Variants in RGS16 observed in about 807,000 individuals in gnomAD.
RGS16 encodes hRGS-r.
A neutral mutation model predicts 18.1 loss-of-function variants in RGS16; 12 were observed. The observed-to-expected ratio is 0.66, with a 90% CI of 0.42 to 1.07. The LOEUF (loss-of-function observed/expected upper bound fraction) is 1.07. Among genes scored for constraint, RGS16 ranks in the 50% least tolerant of loss-of-function variants. The pLI, the probability that RGS16 is intolerant of heterozygous loss-of-function variation, is 0.00. For synonymous variants in RGS16, 88 were observed against 102.0 expected, an observed-to-expected ratio of 0.86 and a Z score of 0.83; for missense variants, 238 against 249.2, an observed-to-expected ratio of 0.95 and a Z score of 0.30.
At chr1:182,603,800 C>G (rs932787765) in intron 1 of RGS16, among the ~76,000 whole-genome samples, 1 of 151,804 alleles carries the variant, frequency 6.6e-6, no homozygotes, top group Non-Finnish European at 1.5e-5. Context: ...GGAGCCCCCA[C>G]CCCCACACAC....
At chr1:182,603,429 T>C (rs2102381867) in intron 1 of RGS16, 90 bp from the exon 2 acceptor site, 3 of 1,032,716 alleles carry the variant, frequency 2.9e-6, no homozygotes, top group Non-Finnish European at 4.5e-6. Flanking sequence ...CTCTGGGTGG[T>C]GCCACCCAAA....
chr1:182,599,995 G>A lies in RGS16; in HGVS notation c.*297C>T. On this transcript the variant is annotated 3_prime_UTR_variant, in exon 5 of 5. Transcript: ENST00000367558. Reference sequence around the variant, plus strand: ...CCTTCTCCGGTGAGAACGAGAGCCAGTGCTAACCCCCATACCACCTTTTTG... The same window carrying A: ...CCTTCTCCGGTGAGAACGAGAGCCAATGCTAACCCCCATACCACCTTTTTG... 2.2e-6 allele frequency: 1 copy of A among 461,098 alleles called. No homozygotes were observed. Among genetic ancestry groups the A allele is most frequent in the Non-Finnish European group, 3.9e-6 (1 of 254,718 alleles). The allele number at this position is 461,098 out of a possible 1,614,324, so 28.6% of individuals were successfully genotyped here.
At position 182,604,342 on chromosome 1, in the gene RGS16, C is replaced by G. The variant is rs1037245674; in HGVS notation, c.-83G>C. On this transcript the variant is annotated 5_prime_UTR_variant, in exon 1 of 5. Coordinates refer to ENST00000367558, the MANE Select transcript of RGS16 (RefSeq NM_002928.4). ...CCGCGTGCGCCAGGAAGCAAAGGCG[C>G]GGTAGCAGGTGCTAGTCAACTGCGG... is the stretch of plus-strand genomic sequence containing the variant. 1 of 1,397,552 alleles carries G rather than the reference C, an allele frequency of 7.2e-7. No individual in the cohort carries two copies. Among genetic ancestry groups the G allele is most frequent in the African/African-American group, 1.4e-5 (1 of 69,280 alleles). The allele number at this position is 1,397,552 out of a possible 1,614,324, so 86.6% of individuals were successfully genotyped here. A position where few individuals can be genotyped will look rare whatever the true frequency, so the allele number is the denominator to read the frequency against.
At chr1:182,604,000 G>A (rs114889394) in intron 1 of RGS16, among the ~76,000 whole-genome samples, 3,235 of 152,308 alleles carry the variant, frequency 0.021, 35 homozygotes, top group African/African-American at 0.027. Context: ...GTTTGTCAGA[G>A]GATGGGGATG....
At chr1:182,603,924 G>A (rs957467848) in intron 1 of RGS16, among the ~76,000 whole-genome samples, 1 of 152,184 alleles carries the variant, frequency 6.6e-6, no homozygotes, top group Admixed American at 6.5e-5. Flanking sequence ...GCTCAGTGCT[G>A]CCTGGAAATG....
Position 182,600,509 on chromosome 1 carries a change from T to G in RGS16, c.392A>C (p.Asn131Thr), listed in dbSNP as rs1216919414. Residue 131 changes from asparagine (N) to threonine (T), a missense_variant, in exon 5 of 5, where the codon AAC becomes ACC. Asn to Thr is a moderately conservative substitution (Grantham distance 65). Transcript: ENST00000367558. ...CAGCTCGTGGGTCTCATGGTCAATG[T>G]TGACCTGCGGGAAGGAGGACACACA... ...FICSEAPKEV[N>T]IDHETHELTR... The G allele has an allele frequency of 6.2e-7, 1 of 1,613,708 alleles. No homozygotes were observed. Among genetic ancestry groups the G allele is most frequent in the African/African-American group, 1.3e-5 (1 of 75,002 alleles).
chr1:182,602,829 A>C (rs1274972891), intron 2 of RGS16, among the ~76,000 whole-genome samples: 1 of 152,066 alleles, frequency 6.6e-6, no homozygotes, highest in Non-Finnish European at 1.5e-5. Context: ...TCATAAATAG[A>C]GATTACATCT....
chr1:182,604,009 T>C (rs1571280100), intron 1 of RGS16, among the ~76,000 whole-genome samples: 1 of 152,172 alleles, frequency 6.6e-6, no homozygotes, highest in Non-Finnish European at 1.5e-5. Context: ...AGGATGGGGA[T>C]GGCAGCAAGC....
chr1:182,602,907 T>G (rs144047608), intron 2 of RGS16, among the ~76,000 whole-genome samples: 4 of 152,236 alleles, frequency 2.6e-5, no homozygotes, highest in African/African-American at 9.6e-5. Context: ...AGGTGCATAC[T>G]AGAAAACTTC....
intron 4 of RGS16, 50 bp from the exon 5 acceptor site, chr1:182,600,563 T>C (rs940865093): frequency 6.5e-7 from 1 of 1,531,750 alleles, no homozygotes; most frequent in South Asian, 1.1e-5. Context: ...AGGGTGGGCA[T>C]GGCTGAGGGA....
At chr1:182,602,333 C>T in intron 3 of RGS16, 87 bp downstream of exon 3, 1 of 1,227,550 alleles carries the variant, frequency 8.1e-7, no homozygotes, top group Admixed American at 2.0e-5. Context: ...TTATTCTGCC[C>T]AGGCTCTCAG....
At chr1:182,603,153 C>G in intron 2 of RGS16, 76 bp downstream of exon 2, 3 of 1,050,408 alleles carry the variant, frequency 2.9e-6, no homozygotes, top group African/African-American at 1.6e-5. Flanking sequence ...CCTGGCTTCT[C>G]CCTGTATTTC....
At position 182,600,490 on chromosome 1, in the gene RGS16, G is replaced by A. The variant is rs137975898; in HGVS notation, c.411C>T (p.His137=). ...PKEVNIDHET[H]ELTRMNLQTA... ...TCTGCAGGTTCATCCTCGTCAGCTC[G>A]TGGGTCTCATGGTCAATGTTGACCT... The change falls in exon 5 of 5, where the codon CAC becomes CAT. Residue 137 remains histidine, a synonymous_variant. Transcript: ENST00000367558. 28 of 1,613,974 alleles carry A rather than the reference G, an allele frequency of 1.7e-5. No homozygotes were observed. Among genetic ancestry groups the A allele is most frequent in the South Asian group, 6.6e-5 (6 of 91,070 alleles).
rs746208921 is a variant in RGS16 at position 182,602,499 on chromosome 1, G to GA, written c.156-16dup. 961 of 1,567,192 alleles carry GA rather than the reference G, an allele frequency of 6.1e-4. No homozygotes were observed. Among genetic ancestry groups the GA allele is most frequent in the Non-Finnish European group, 7.3e-4 (835 of 1,150,624 alleles). ...AGAAGTTTCTACTAAAAGACAAAAA[G>GA]AAAAAAAAAGAGTAAGAAAAAAAAT... On this transcript the variant is annotated splice_polypyrimidine_tract_variant and intron_variant, in intron 2 of 4. Coordinates refer to ENST00000367558, the MANE Select transcript of RGS16 (RefSeq NM_002928.4).
intron 1 of RGS16, among the ~76,000 whole-genome samples, chr1:182,603,804 C>A (rs533879091): frequency 2.6e-5 from 4 of 151,826 alleles, no homozygotes; most frequent in Non-Finnish European, 5.9e-5. Context: ...CCCCCACCCC[C>A]ACACACCCCA....
intron 2 of RGS16, 39 bp from the exon 3 acceptor site, chr1:182,602,523 A>G (rs889160942): frequency 9.1e-6 from 14 of 1,536,370 alleles, no homozygotes; most frequent in Non-Finnish European, 1.2e-5. Flanking sequence ...AAGAAAAAAA[A>G]TCAACAAACC....
Position 182,604,321 on chromosome 1 carries a change from G to A in RGS16, c.-62C>T. On this transcript the variant is annotated 5_prime_UTR_variant, in exon 1 of 5. It adds an upstream start codon to the 5' untranslated region. Coordinates refer to ENST00000367558, the MANE Select transcript of RGS16 (RefSeq NM_002928.4). Reference sequence around the variant, plus strand: ...GGTGGCAGGCTCCAGGAGGCTCCGCGTGCGCCAGGAAGCAAAGGCGCGGTA... The same window carrying A: ...GGTGGCAGGCTCCAGGAGGCTCCGCATGCGCCAGGAAGCAAAGGCGCGGTA... 1.3e-6 allele frequency: 2 copies of A among 1,494,488 alleles called. No individual in the cohort carries two copies. Among genetic ancestry groups the A allele is most frequent in the Non-Finnish European group, 1.8e-6 (2 of 1,115,534 alleles). 92.6% of individuals were successfully genotyped at this position (1,494,488 alleles called of 1,614,324 possible). A position where few individuals can be genotyped will look rare whatever the true frequency, so the allele number is the denominator to read the frequency against.
chr1:182,601,257 T>A (rs1027343660), intron 4 of RGS16, among the ~76,000 whole-genome samples: 1 of 152,234 alleles, frequency 6.6e-6, no homozygotes, highest in South Asian at 2.1e-4. Context: ...TCCTGCTGTA[T>A]TTTTATGAGT....
chr1:182,603,438 A>G, intron 1 of RGS16, 99 bp from the exon 2 acceptor site: 1 of 891,964 alleles, frequency 1.1e-6, no homozygotes, highest in Non-Finnish European at 1.8e-6. Flanking sequence ...GTGCCACCCA[A>G]ACTTTAGCCT....
Sources: allele counts gnomAD v4.1 joint callset (sites outside exome capture counted in the v4.1 genomes callset), GRCh38; gene constraint gnomAD v4.1.1; transcripts MANE v1.5; gene names NCBI Gene and HGNC (gene_info 2026-07-23, HGNC 2026-07-21).